CDH17: variants seen among roughly 807,000 people sequenced by gnomAD.
The protein encoded by CDH17 is cadherin 17.
Under a neutral mutation model 86.3 loss-of-function variants are expected in CDH17, and 67 were observed. The ratio of observed to expected loss-of-function variants is 0.78; its 90% CI spans 0.64 to 0.95. The LOEUF (loss-of-function observed/expected upper bound fraction) is 0.95. Among genes scored for constraint, CDH17 ranks in the 40% least tolerant of loss-of-function variants. The pLI is 0.00. For missense variants in CDH17, 993 were observed against 1,017.6 expected, an observed-to-expected ratio of 0.98 and a Z score of 0.33; for synonymous variants, 367 against 366.4, an observed-to-expected ratio of 1.00 and a Z score of -0.02.
chr8:94,205,367 A>C (rs193189499), intron 1 of CDH17, among the ~76,000 whole-genome samples: 150 of 152,360 alleles, frequency 9.8e-4, no homozygotes, highest in African/African-American at 2.8e-3. Context: ...ATAAAGCAAC[A>C]CATCCTGGCC....
chr8:94,169,293 G>A (rs1012642200), intron 9 of CDH17, among the ~76,000 whole-genome samples: 4 of 152,100 alleles, frequency 2.6e-5, no homozygotes, highest in African/African-American at 9.7e-5. Flanking sequence ...CCTTCAAGCT[G>A]GCATTAACTC....
Position 94,148,737 on chromosome 8 carries a change from TGCTTACCTAC to T in CDH17, c.1924_1927+6del. The T allele has an allele frequency of 3.3e-5, 45 of 1,383,454 alleles. No individual in the cohort carries two copies. The highest frequency in any genetic ancestry group is 1.8e-4 in the South Asian group (12 of 65,676). 85.7% of individuals were successfully genotyped at this position (1,383,454 alleles called of 1,614,324 possible). ...TTTTTTTTTGTTTTTTTTTTTTTTT[TGCTTACCTAC>T]TTCTGTGGCCACCACTTGTACCCGA... On this transcript the variant is annotated splice_donor_variant and splice_donor_5th_base_variant and coding_sequence_variant and intron_variant, in exon 14 of 18. Transcript: ENST00000027335. LOFTEE classifies it high-confidence loss of function.
At chr8:94,151,207 A>T (rs1812848737) in intron 13 of CDH17, among the ~76,000 whole-genome samples, 1 of 152,116 alleles carries the variant, frequency 6.6e-6, no homozygotes, top group African/African-American at 2.4e-5. Flanking sequence ...TATAGATATT[A>T]TACAGATATA....
intron 1 of CDH17, among the ~76,000 whole-genome samples, chr8:94,216,563 GT>G (rs368207788): frequency 1.5e-4 from 21 of 142,000 alleles, no homozygotes; most frequent in Admixed American, 1.4e-4. Context: ...CAGAGGGTTT[GT>G]TTTTTTTTTT....
intron 17 of CDH17, among the ~76,000 whole-genome samples, chr8:94,129,772 C>T (rs1429522263): frequency 3.9e-5 from 6 of 152,158 alleles, no homozygotes; most frequent in African/African-American, 1.2e-4. Context: ...TAAAATTCTA[C>T]ACCTGACCTC....
chr8:94,146,723 T>C (rs77616320), intron 14 of CDH17, among the ~76,000 whole-genome samples: 3,929 of 152,350 alleles, frequency 0.026, 166 homozygotes, highest in African/African-American at 0.09. Context: ...TTGGTTTCCT[T>C]GTTCACAGTA....
chr8:94,185,416 A>C (rs997712042), intron 3 of CDH17, among the ~76,000 whole-genome samples: 1 of 152,124 alleles, frequency 6.6e-6, no homozygotes, highest in African/African-American at 2.4e-5. Context: ...AAAACAAAAC[A>C]AAAAAAGAAA....
In CDH17 at chr8:94,130,728, T is replaced by G; in HGVS notation, c.2296A>C (p.Ser766Arg). 6.2e-7 allele frequency: 1 copy of G among 1,613,308 alleles called. No homozygotes were observed. Among genetic ancestry groups the G allele is most frequent in the Non-Finnish European group, 8.5e-7 (1 of 1,179,302 alleles). Residue 766 changes from serine (S) to arginine (R), a missense_variant, in exon 17 of 18, where the codon AGT (serine) becomes CGT (arginine). Ser to Arg is a moderately radical substitution (Grantham distance 110, BLOSUM62 -1). Coordinates refer to ENST00000027335, the MANE Select transcript of CDH17 (RefSeq NM_004063.4). ...GIVSLPVTFCSCVEGSCFRPA... is the reference protein window; with the variant it reads ...GIVSLPVTFCRCVEGSCFRPA... ...CGGAAACAACTTCCTTCCACACAAC[T>G]GCAGAATGTAACTGAAAAGCAGGAC... is the stretch of plus-strand genomic sequence containing the variant.
rs745923564 is a variant in CDH17 at position 94,146,033 on chromosome 8, A to C, written c.2062T>G (p.Phe688Val). ...HPLSAPGSLIFEATDDDQHLF... is the reference protein window; with the variant it reads ...HPLSAPGSLIVEATDDDQHLF... ...TGCTGATCATCATCAGTAGCCTCGA[A>C]AATGAGACTTCCAGGTGCACTGAGG... is the stretch of plus-strand genomic sequence containing the variant. Residue 688 changes from phenylalanine (F) to valine (V), a missense_variant, in exon 15 of 18, where the codon TTC (phenylalanine) becomes GTC (valine). Physicochemically the swap from Phe to Val is conservative, Grantham distance 50. Transcript: ENST00000027335. The C allele has an allele frequency of 6.2e-7, 1 of 1,613,910 alleles. No homozygotes were observed. Among genetic ancestry groups the C allele is most frequent in the Non-Finnish European group, 8.5e-7 (1 of 1,179,920 alleles).
At position 94,146,037 on chromosome 8, in the gene CDH17, G is replaced by T; in HGVS notation, c.2058C>A (p.Leu686=). The change falls in exon 15 of 18, where the codon CTC becomes CTA. Residue 686 remains leucine, a synonymous_variant. Transcript: ENST00000027335. ...FCHPLSAPGS[L]IFEATDDDQH... Reference sequence around the variant, plus strand: ...GATCATCATCAGTAGCCTCGAAAATGAGACTTCCAGGTGCACTGAGGGGAT... The same window carrying T: ...GATCATCATCAGTAGCCTCGAAAATTAGACTTCCAGGTGCACTGAGGGGAT... 6.2e-7 allele frequency: 1 copy of T among 1,613,896 alleles called. No individual in the cohort carries two copies. The highest frequency in any genetic ancestry group is 8.5e-7 in the Non-Finnish European group (1 of 1,179,910).
At chr8:94,185,725 A>G (rs765156769) in intron 3 of CDH17, among the ~76,000 whole-genome samples, 3 of 152,194 alleles carry the variant, frequency 2.0e-5, no homozygotes, top group Non-Finnish European at 4.4e-5. Context: ...CAATTTTTTT[A>G]CATCAGTGAA....
chr8:94,185,274 A>AT (rs1813556610), intron 3 of CDH17, among the ~76,000 whole-genome samples: 1 of 115,204 alleles, frequency 8.7e-6, no homozygotes, highest in African/African-American at 4.1e-5. Context: ...ACCCTACCCC[A>AT]ATACACACAC....
chr8:94,189,308 T>C lies in CDH17; in HGVS notation c.52-23A>G, dbSNP rs1191274304. ...TGCCTGTTAAAAAAGAAAGAGAAAA[T>C]TAGCATCTTGTATGAAGTGTCTGTG... On this transcript the variant is annotated intron_variant, in intron 2 of 17. Coordinates refer to ENST00000027335, the MANE Select transcript of CDH17 (RefSeq NM_004063.4). 8 of 1,544,282 alleles carry C rather than the reference T, an allele frequency of 5.2e-6. No individual in the cohort carries two copies. In the East Asian group the frequency reaches 1.8e-4, roughly 35 times the overall value.
At chr8:94,181,370 A>T (rs1292814784) in intron 3 of CDH17, among the ~76,000 whole-genome samples, 1 of 152,228 alleles carries the variant, frequency 6.6e-6, no homozygotes, top group Non-Finnish European at 1.5e-5. Context: ...AAAGCCAGTC[A>T]CATGGAACAT....
At chr8:94,194,556 T>C (rs1813743985) in intron 2 of CDH17, 79 bp downstream of exon 2, 1 of 953,158 alleles carries the variant, frequency 1.0e-6, no homozygotes, top group Non-Finnish European at 1.7e-6. Context: ...ATAATAGCCA[T>C]TCTTTCCCTG....
chr8:94,148,384 A>T (rs995696200), intron 14 of CDH17, among the ~76,000 whole-genome samples: 3 of 151,958 alleles, frequency 2.0e-5, no homozygotes, highest in Admixed American at 1.3e-4. Context: ...TCTACTAAAA[A>T]TACAAAAATT....
At chr8:94,134,852 A>G (rs1449368886) in intron 15 of CDH17, among the ~76,000 whole-genome samples, 3 of 152,190 alleles carry the variant, frequency 2.0e-5, no homozygotes, top group African/African-American at 7.2e-5. Flanking sequence ...AGATTCTGGT[A>G]CGTTGTGTGT....
chr8:94,197,207 C>G (rs1813801219), intron 1 of CDH17: 1 of 152,260 alleles, frequency 6.6e-6, no homozygotes, highest in African/African-American at 2.4e-5. Flanking sequence ...GGGTATTTAT[C>G]CCAGACAATG....
chr8:94,152,172 T>G, intron 12 of CDH17, 60 bp from the exon 13 acceptor site: 1 of 1,563,022 alleles, frequency 6.4e-7, no homozygotes, highest in Non-Finnish European at 8.7e-7. Flanking sequence ...AAAAGATTCA[T>G]TCCCTATCCT....
Sources: allele counts gnomAD v4.1 joint callset (sites outside exome capture counted in the v4.1 genomes callset), GRCh38; gene constraint gnomAD v4.1.1; transcripts MANE v1.5; gene names NCBI Gene and HGNC (gene_info 2026-07-23, HGNC 2026-07-21).